Variants in RALGAPA2 observed in about 807,000 individuals in gnomAD.
RALGAPA2 encodes the protein Ral GTPase activating protein catalytic subunit alpha 2, also known as ral GTPase-activating protein subunit alpha-2.
RALGAPA2 carries 139 observed loss-of-function variants against 230.4 expected under a neutral mutation model. That is an observed-to-expected ratio of 0.60 (90% CI 0.53 to 0.69). The LOEUF (loss-of-function observed/expected upper bound fraction) is 0.69, where lower values mean the gene tolerates loss of function less well. Among genes scored for constraint, RALGAPA2 ranks in the 30% least tolerant of loss-of-function variants. The pLI is 0.00. For missense variants in RALGAPA2, 2,163 were observed against 2,276.0 expected, an observed-to-expected ratio of 0.95 and a Z score of 1.01; for synonymous variants, 847 against 837.8, an observed-to-expected ratio of 1.01 and a Z score of -0.19.
intron 18 of RALGAPA2, among the ~76,000 whole-genome samples, chr20:20,587,901 A>G (rs1158359508): frequency 6.6e-6 from 1 of 152,122 alleles, no homozygotes; most frequent in Non-Finnish European, 1.5e-5. Flanking sequence ...TTTTAACCTT[A>G]TTAGTAGTCT....
At chr20:20,593,754 G>A (rs1260227224) in intron 16 of RALGAPA2, among the ~76,000 whole-genome samples, 1 of 152,202 alleles carries the variant, frequency 6.6e-6, no homozygotes, top group Non-Finnish European at 1.5e-5. Flanking sequence ...AATAAGAGCT[G>A]AGCCAACACT....
chr20:20,625,047 G>C (rs566154368), intron 10 of RALGAPA2, among the ~76,000 whole-genome samples: 5 of 151,956 alleles, frequency 3.3e-5, no homozygotes, highest in Non-Finnish European at 7.4e-5. Context: ...CCTCCCTCTT[G>C]CTTTTCTGCC....
rs2068551241 is a variant in RALGAPA2, at chr20:20,682,394, A to G, written c.107-1593T>C. Among the ~76,000 whole-genome samples, 3 of 152,202 alleles carry G rather than the reference A, an allele frequency of 2.0e-5. No homozygotes were observed. The South Asian group carries it at 6.2e-4, about 31-fold the overall frequency. ...ATTTGCCAGTTCCAAGGAAGAGTTCAGTACACTTCAACTCTAATGCAAACT... is the reference window on the plus strand; with the variant it reads ...ATTTGCCAGTTCCAAGGAAGAGTTCGGTACACTTCAACTCTAATGCAAACT... On this transcript the variant is annotated intron_variant, in intron 1 of 39. Coordinates refer to ENST00000202677, the MANE Select transcript of RALGAPA2 (RefSeq NM_020343.4).
Position 20,620,493 on chromosome 20 carries a change from T to C in RALGAPA2, c.1371A>G (p.Lys457=), listed in dbSNP as rs760677291. Residue 457 remains lysine (K), a synonymous_variant, in exon 11 of 40, where the codon AAA becomes AAG. Coordinates refer to ENST00000202677, the MANE Select transcript of RALGAPA2 (RefSeq NM_020343.4). ...TGCTATCAGTCTCGGAAAATCCTAA[T>C]TTTTCAGCATCTTCTTGGGCAACAT... ...RKDVAQEDAE[K]LGFSETDSKE... 1 of 1,613,948 alleles carries C rather than the reference T, an allele frequency of 6.2e-7. No individual in the cohort carries two copies. The highest frequency in any genetic ancestry group is 8.5e-7 in the Non-Finnish European group (1 of 1,179,828).
intron 37 of RALGAPA2, among the ~76,000 whole-genome samples, chr20:20,417,046 A>G (rs1282306874): frequency 1.3e-5 from 2 of 152,196 alleles, no homozygotes; most frequent in Non-Finnish European, 2.9e-5. Flanking sequence ...TCTAACTCCC[A>G]TGGCAGTGAT....
At chr20:20,438,650 G>A (rs1411287891) in intron 37 of RALGAPA2, among the ~76,000 whole-genome samples, 3 of 152,180 alleles carry the variant, frequency 2.0e-5, no homozygotes, top group Non-Finnish European at 4.4e-5. Context: ...CACGCCAACT[G>A]TCCAATCTGG....
chr20:20,536,850 C>T, intron 24 of RALGAPA2, 66 bp from the exon 25 acceptor site: 1 of 1,510,948 alleles, frequency 6.6e-7, no homozygotes, highest in Non-Finnish European at 9.0e-7. Flanking sequence ...AAATAAGTGA[C>T]ATGTTTTACT....
intron 12 of RALGAPA2, 70 bp downstream of exon 12, chr20:20,619,207 T>A: frequency 1.4e-6 from 2 of 1,406,262 alleles, no homozygotes; most frequent in Non-Finnish European, 1.9e-6. Flanking sequence ...TTATCCCCAA[T>A]AAACAAAAAG....
At chr20:20,613,252 T>A (rs2066028636) in intron 13 of RALGAPA2, among the ~76,000 whole-genome samples, 2 of 152,192 alleles carry the variant, frequency 1.3e-5, no homozygotes, top group African/African-American at 4.8e-5. Context: ...GTAATAAACT[T>A]CTGTTGGAGC....
chr20:20,502,751 C>T (rs940163955), intron 35 of RALGAPA2, among the ~76,000 whole-genome samples: 10 of 152,198 alleles, frequency 6.6e-5, no homozygotes, highest in Non-Finnish European at 8.8e-5. Flanking sequence ...TGCTCTGAGA[C>T]GTTCTCCTCA....
chr20:20,402,635 C>A (rs1267688422), intron 38 of RALGAPA2, among the ~76,000 whole-genome samples: 1 of 152,200 alleles, frequency 6.6e-6, no homozygotes, highest in Non-Finnish European at 1.5e-5. Flanking sequence ...AGGCAGAACA[C>A]CTATTGTATA....
rs1285456295 is a variant in RALGAPA2 at position 20,535,657 on chromosome 20, T to C, written c.3473+88A>G. ...TCTGTATAAGAGCTATGTGAAAGAA[T>C]AAGTGTTTTCTTTTGTAACATTAAC... On this transcript the variant is annotated intron_variant, in intron 26 of 39. Transcript: ENST00000202677. The C allele has an allele frequency of 7.5e-6, 11 of 1,472,676 alleles. No individual in the cohort carries two copies. The Admixed American group carries it at 1.7e-4, about 23-fold the overall frequency. The allele number at this position is 1,472,676 out of a possible 1,614,324, so 91.2% of individuals were successfully genotyped here.
chr20:20,492,732 C>A (rs997703799), intron 36 of RALGAPA2, among the ~76,000 whole-genome samples: 2 of 152,152 alleles, frequency 1.3e-5, no homozygotes, highest in East Asian at 1.9e-4. Flanking sequence ...TCCGTAATAT[C>A]CTCATGCATC....
chr20:20,422,009 C>T lies in RALGAPA2; in HGVS notation c.5496-9861G>A, dbSNP rs1003795088. On this transcript the variant is annotated intron_variant, in intron 37 of 39. Transcript: ENST00000202677. ...ACGGATGGACTTTGCAAACACTATG[C>T]TAAGTGAAAGAAGTCAGATGCCAAA... Among the ~76,000 whole-genome samples, 30 of 152,222 alleles carry T rather than the reference C, an allele frequency of 2.0e-4. No individual in the cohort carries two copies. The East Asian group carries it at 3.7e-3, about 19-fold the overall frequency.
chr20:20,504,643 T>C (rs927918439), intron 34 of RALGAPA2, among the ~76,000 whole-genome samples: 1 of 151,864 alleles, frequency 6.6e-6, no homozygotes, highest in Non-Finnish European at 1.5e-5. Context: ...GGAGAATTGC[T>C]GGAACCCGGG....
chr20:20,475,557 C>G (rs911799103), intron 36 of RALGAPA2, among the ~76,000 whole-genome samples: 1 of 151,908 alleles, frequency 6.6e-6, no homozygotes, highest in Non-Finnish European at 1.5e-5. Flanking sequence ...CAAAACAGAA[C>G]AAAAACTCTC....
intron 36 of RALGAPA2, among the ~76,000 whole-genome samples, chr20:20,481,108 G>A (rs1017176059): frequency 1.3e-5 from 2 of 152,164 alleles, no homozygotes; most frequent in African/African-American, 4.8e-5. Context: ...GACTCTTCTT[G>A]GCAAGATACT....
chr20:20,465,046 GA>G (rs1397715228), intron 37 of RALGAPA2, among the ~76,000 whole-genome samples: 5 of 151,718 alleles, frequency 3.3e-5, no homozygotes, highest in Admixed American at 2.6e-4. Context: ...CTTCAATTTT[GA>G]AAAAGTATCA....
intron 31 of RALGAPA2, among the ~76,000 whole-genome samples, chr20:20,519,804 C>T (rs139365661): frequency 3.9e-5 from 6 of 152,304 alleles, no homozygotes; most frequent in Non-Finnish European, 7.3e-5. Context: ...TAGTCTTGGG[C>T]CTAGGTTTTT....
Sources: gnomAD v4.1 joint callset for allele counts (sites outside exome capture counted in the v4.1 genomes callset) on GRCh38, gnomAD v4.1.1 for gene constraint, MANE v1.5 for transcripts, NCBI Gene and HGNC (gene_info 2026-07-23, HGNC 2026-07-21) for gene names.